Variants in ZNF804B observed in about 807,000 individuals in gnomAD.
ZNF804B encodes the protein zinc finger protein 804B.
Under a neutral mutation model 101.4 loss-of-function variants are expected in ZNF804B, and 80 were observed. The ratio of observed to expected loss-of-function variants is 0.79; its 90% confidence interval spans 0.66 to 0.95. The LOEUF (loss-of-function observed/expected upper bound fraction) is 0.95, where lower values mean the gene tolerates loss of function less well. ZNF804B is among the 40% of genes least tolerant of loss of function. ZNF804B has a pLI of 0.00. For synonymous variants in ZNF804B, 622 were observed against 558.8 expected (o/e 1.11, Z -1.59); for missense variants, 1,673 against 1,561.9 (o/e 1.07, Z -1.20).
At chr7:88,820,348 A>G (rs1484694810) in intron 1 of ZNF804B, among the ~76,000 whole-genome samples, 2 of 152,196 alleles carry the variant, frequency 1.3e-5, no homozygotes, top group Non-Finnish European at 2.9e-5. Context: ...TTTCTTAAGC[A>G]TCATCCCTGC....
chr7:89,021,988 A>G (rs1007293245), intron 1 of ZNF804B, among the ~76,000 whole-genome samples: 16 of 152,084 alleles, frequency 1.1e-4, no homozygotes, highest in African/African-American at 3.6e-4. Flanking sequence ...GGACTGTGGG[A>G]TTCTCCTGTA....
At chr7:88,845,301 G>GCGCACGCGCGCGCA (rs1554339289) in intron 1 of ZNF804B, among the ~76,000 whole-genome samples, 2 of 149,920 alleles carry the variant, frequency 1.3e-5, no homozygotes, top group Non-Finnish European at 3.0e-5. Context: ...GCACGCGCGC[G>GCGCACGCGCGCGCA]CACACACACA....
chr7:88,943,357 A>G (rs1793081790), intron 1 of ZNF804B, among the ~76,000 whole-genome samples: 1 of 151,880 alleles, frequency 6.6e-6, no homozygotes, highest in African/African-American at 2.4e-5. Context: ...TATTGGGGGA[A>G]ATGCACCACA....
intron 1 of ZNF804B, chr7:88,795,136 T>C (rs904796787): frequency 1.3e-5 from 6 of 459,122 alleles, no homozygotes; most frequent in Non-Finnish European, 2.3e-5. Context: ...CAGGAAACAA[T>C]GTATTTGAAA....
At chr7:89,175,117 T>C (rs1186531786) in intron 1 of ZNF804B, among the ~76,000 whole-genome samples, 3 of 152,046 alleles carry the variant, frequency 2.0e-5, no homozygotes, top group African/African-American at 7.2e-5. Flanking sequence ...TTATCCATGT[T>C]TGCTTTGGTT....
rs958058040 is a variant in ZNF804B, at chr7:88,910,732, G to A, written c.108+150648G>A. ...AGACTGTTGTATAATCCTGCCTTCT[G>A]CTCAATATTTATGGAGACTAGATCC... On this transcript the variant is annotated intron_variant, in intron 1 of 3. Coordinates refer to ENST00000333190, the MANE Select transcript of ZNF804B (RefSeq NM_181646.5). 4.0e-5 allele frequency among the ~76,000 whole-genome samples: 6 copies of A among 151,798 alleles called. No individual in the cohort carries two copies. In the East Asian group the frequency reaches 7.7e-4, roughly 20 times the overall value.
chr7:88,846,290 A>C (rs1399412880), intron 1 of ZNF804B, among the ~76,000 whole-genome samples: 1 of 152,220 alleles, frequency 6.6e-6, no homozygotes, highest in Admixed American at 6.5e-5. Flanking sequence ...AGATATGCTT[A>C]TTGAACTGAG....
At chr7:89,246,825 T>G (rs933900721) in intron 2 of ZNF804B, among the ~76,000 whole-genome samples, 2 of 152,110 alleles carry the variant, frequency 1.3e-5, no homozygotes, top group Non-Finnish European at 2.9e-5. Flanking sequence ...CTCCAGATAT[T>G]AAAAGCATAT....
intron 2 of ZNF804B, among the ~76,000 whole-genome samples, chr7:89,283,245 T>G (rs1196566823): frequency 2.6e-5 from 4 of 152,064 alleles, no homozygotes; most frequent in Admixed American, 2.6e-4. Flanking sequence ...TCTCTAAAAC[T>G]GACACTACTG....
At chr7:89,259,811 C>T (rs534322348) in intron 2 of ZNF804B, among the ~76,000 whole-genome samples, 40 of 152,208 alleles carry the variant, frequency 2.6e-4, no homozygotes, top group African/African-American at 9.6e-4. Flanking sequence ...GAAACCCTGT[C>T]TCTAATAAAA....
chr7:88,892,178 CAGTA>C (rs61647749), intron 1 of ZNF804B, among the ~76,000 whole-genome samples: 26,437 of 151,762 alleles, frequency 0.17, 2,355 homozygotes, highest in African/African-American at 0.24. Flanking sequence ...TTGTTTAATA[CAGTA>C]AGTGTGTATT....
At chr7:88,791,525 T>C (rs939462600) in intron 1 of ZNF804B, among the ~76,000 whole-genome samples, 7 of 152,142 alleles carry the variant, frequency 4.6e-5, no homozygotes, top group Non-Finnish European at 4.4e-5. Flanking sequence ...TTAATAATTC[T>C]CTTTTTGGCT....
chr7:88,802,542 T>G (rs1039038378), intron 1 of ZNF804B, among the ~76,000 whole-genome samples: 45 of 152,242 alleles, frequency 3.0e-4, no homozygotes, highest in African/African-American at 1.1e-3. Flanking sequence ...TTCTCTGAGA[T>G]CTAACCGAAC....
intron 1 of ZNF804B, among the ~76,000 whole-genome samples, chr7:88,937,948 C>A (rs1190274869): frequency 6.6e-6 from 1 of 152,022 alleles, no homozygotes; most frequent in Non-Finnish European, 1.5e-5. Context: ...ATATGGGTGA[C>A]CGTGGGCTGT....
intron 1 of ZNF804B, among the ~76,000 whole-genome samples, chr7:88,817,837 C>T (rs1562802235): frequency 6.6e-6 from 1 of 152,154 alleles, no homozygotes; most frequent in South Asian, 2.1e-4. Flanking sequence ...CTGAACTGAA[C>T]TGTTATTCCA....
intron 1 of ZNF804B, among the ~76,000 whole-genome samples, chr7:88,829,111 ATCTC>A (rs1344270600): frequency 6.6e-6 from 1 of 152,058 alleles, no homozygotes; most frequent in Non-Finnish European, 1.5e-5. Flanking sequence ...TTAAGACAAG[ATCTC>A]TCTCTGTCAC....
chr7:89,226,794 G>C (rs1789096638), intron 2 of ZNF804B, among the ~76,000 whole-genome samples: 1 of 152,032 alleles, frequency 6.6e-6, no homozygotes, highest in Non-Finnish European at 1.5e-5. Context: ...GACTTTATGA[G>C]TATATCTTCT....
intron 1 of ZNF804B, among the ~76,000 whole-genome samples, chr7:89,177,996 G>C (rs748138900): frequency 9.5e-4 from 143 of 150,862 alleles, no homozygotes; most frequent in Non-Finnish European, 1.6e-3. Flanking sequence ...ATATCCTCTT[G>C]ATGAATTGAC....
chr7:88,981,587 A>G (rs1283430489), intron 1 of ZNF804B, among the ~76,000 whole-genome samples: 5 of 152,004 alleles, frequency 3.3e-5, no homozygotes, highest in South Asian at 2.1e-4. Flanking sequence ...AGTGGCCTAG[A>G]CTACCTTCAG....
Sources: allele counts gnomAD v4.1 joint callset (sites outside exome capture counted in the v4.1 genomes callset), GRCh38; gene constraint gnomAD v4.1.1; transcripts MANE v1.5; gene names NCBI Gene and HGNC (gene_info 2026-07-23, HGNC 2026-07-21).